Variants in TSPAN9 observed in about 807,000 individuals in gnomAD.
TSPAN9 encodes the protein tetraspanin 9.
A neutral mutation model predicts 31.0 loss-of-function variants in TSPAN9; 16 were observed. That is an observed-to-expected ratio of 0.52 (90% CI 0.35 to 0.78). The LOEUF (loss-of-function observed/expected upper bound fraction) is 0.78. TSPAN9 is among the 30% of genes least tolerant of loss of function. TSPAN9 has a pLI of 0.01. For missense variants in TSPAN9, 272 were observed against 312.5 expected (o/e 0.87, Z 0.98); for synonymous variants, 145 against 121.6 (o/e 1.19, Z -1.27).
intron 2 of TSPAN9, among the ~76,000 whole-genome samples, chr12:3,159,161 G>A (rs1591653292): frequency 6.6e-6 from 1 of 151,388 alleles, no homozygotes; most frequent in East Asian, 1.9e-4. Flanking sequence ...ATTGTCTGTT[G>A]TTTCTGAGCC....
intron 2 of TSPAN9, among the ~76,000 whole-genome samples, chr12:3,106,548 T>G (rs60835496): frequency 0.039 from 5,880 of 152,180 alleles, 397 homozygotes; most frequent in African/African-American, 0.13. Context: ...GACAGAAGGA[T>G]CACTTGAGCC....
intron 3 of TSPAN9, among the ~76,000 whole-genome samples, chr12:3,231,893 T>TG (rs2098390953): frequency 1.3e-5 from 2 of 152,246 alleles, no homozygotes; most frequent in South Asian, 4.1e-4. Context: ...TCCCTGTGCC[T>TG]GGGCCTGGCT....
chr12:3,225,592 C>T (rs1370227645), intron 3 of TSPAN9, among the ~76,000 whole-genome samples: 5 of 152,084 alleles, frequency 3.3e-5, no homozygotes, highest in African/African-American at 4.8e-5. Context: ...GTTGCATCCT[C>T]GTGGGAAGAT....
At chr12:3,242,357 C>A (rs7979731) in intron 3 of TSPAN9, among the ~76,000 whole-genome samples, 1 of 152,198 alleles carries the variant, frequency 6.6e-6, no homozygotes, top group Admixed American at 6.5e-5. Context: ...GCCTTCTGCC[C>A]GATGCCTGGA....
chr12:3,186,494 A>C (rs1372790645), intron 2 of TSPAN9, among the ~76,000 whole-genome samples: 1 of 152,066 alleles, frequency 6.6e-6, no homozygotes, highest in Admixed American at 6.6e-5. Context: ...AATGTAAGAA[A>C]CAGCACAGAG....
rs879519277 is a variant in TSPAN9 at position 3,108,943 on chromosome 12, C to CT, written c.-18+25236dup. Among the ~76,000 whole-genome samples, 316 of 144,128 alleles carry CT rather than the reference C, an allele frequency of 2.2e-3. 2 individuals carry two copies. Among genetic ancestry groups the CT allele is most frequent in the African/African-American group, 5.7e-3 (225 of 39,644 alleles). The allele number at this position is 144,128 out of a possible 152,430, so 94.6% of individuals were successfully genotyped here. On this transcript the variant is annotated intron_variant, in intron 2 of 8. Transcript: ENST00000011898. The stretch of plus-strand genomic sequence containing the variant: ...TAGTTTCATTTTGGGAGGAAGGATT[C>CT]TTTTTTTTTTTTGAGACAGAGTCTC...
intron 3 of TSPAN9, among the ~76,000 whole-genome samples, chr12:3,240,377 C>T (rs1393141947): frequency 1.3e-5 from 2 of 152,156 alleles, no homozygotes; most frequent in Non-Finnish European, 2.9e-5. Context: ...GAGGCGTGCT[C>T]AGCCAAGGGG....
Position 3,278,976 on chromosome 12 carries a change from GC to G in TSPAN9, c.256-13del, listed in dbSNP as rs753149391. 2 of 1,613,792 alleles carry G rather than the reference GC, an allele frequency of 1.2e-6. No individual in the cohort carries two copies. Among genetic ancestry groups the G allele is most frequent in the Middle Eastern group, 1.7e-4 (1 of 6,060 alleles). ...GCCCATTACCACCTACCCATGCCTG[GC>G]CCTTTCCTTTCCAGTTTTTCATCGT... is the stretch of plus-strand genomic sequence containing the variant. On this transcript the variant is annotated splice_polypyrimidine_tract_variant and intron_variant, in intron 4 of 8. Transcript: ENST00000011898.
chr12:3,155,510 G>T (rs73051853), intron 2 of TSPAN9, among the ~76,000 whole-genome samples: 15,440 of 152,024 alleles, frequency 0.1, 1,028 homozygotes, highest in Middle Eastern at 0.17. Context: ...GAGGCGGGAG[G>T]ATCCCTTGAA....
intron 2 of TSPAN9, among the ~76,000 whole-genome samples, chr12:3,162,718 C>T (rs961855822): frequency 6.6e-5 from 10 of 152,190 alleles, no homozygotes; most frequent in Non-Finnish European, 1.5e-4. Context: ...AGCTCTTTCT[C>T]AGCAGAGCTA....
intron 2 of TSPAN9, among the ~76,000 whole-genome samples, chr12:3,118,167 C>G (rs938451897): frequency 2.7e-5 from 4 of 150,824 alleles, no homozygotes; most frequent in Non-Finnish European, 5.9e-5. Flanking sequence ...TAGAACCCCC[C>G]CGGCATGTAG....
intron 3 of TSPAN9, among the ~76,000 whole-genome samples, chr12:3,238,572 G>A (rs1040464734): frequency 6.6e-6 from 1 of 152,210 alleles, no homozygotes; most frequent in Non-Finnish European, 1.5e-5. Flanking sequence ...CATGCCTCAC[G>A]GGAACGGCCC....
chr12:3,121,338 AC>A lies in TSPAN9; in HGVS notation c.-18+37620del, dbSNP rs2098324959. ...TGACATACTGGAGAGATTTTTCAAA[AC>A]AGGGGATGTTGGCTTTTTTTTTTTT... is the stretch of plus-strand genomic sequence containing the variant. On this transcript the variant is annotated intron_variant, in intron 2 of 8. Coordinates refer to ENST00000011898, the MANE Select transcript of TSPAN9 (RefSeq NM_006675.5). 2.7e-5 allele frequency among the ~76,000 whole-genome samples: 2 copies of A among 73,608 alleles called. 1 individual carries two copies. Among genetic ancestry groups the A allele is most frequent in the Admixed American group, 3.8e-4 (2 of 5,232 alleles). The allele number at this position is 73,608 out of a possible 152,430, so 48.3% of individuals were successfully genotyped here. A position where few individuals can be genotyped will look rare whatever the true frequency, so the allele number is the denominator to read the frequency against.
chr12:3,120,095 C>T (rs896198212), intron 2 of TSPAN9, among the ~76,000 whole-genome samples: 6 of 152,172 alleles, frequency 3.9e-5, no homozygotes, highest in Non-Finnish European at 7.3e-5. Context: ...GTTCCCTCTT[C>T]CTTTCCTCTG....
chr12:3,093,688 A>G (rs2098306170), intron 2 of TSPAN9, among the ~76,000 whole-genome samples: 1 of 152,192 alleles, frequency 6.6e-6, no homozygotes. Flanking sequence ...AAGAAACTCA[A>G]CTAGGCCAAT....
At chr12:3,142,159 G>A (rs2098335160) in intron 2 of TSPAN9, among the ~76,000 whole-genome samples, 1 of 152,168 alleles carries the variant, frequency 6.6e-6, no homozygotes, top group Non-Finnish European at 1.5e-5. Context: ...TCACCGCTCT[G>A]CCTGACTGCT....
chr12:3,080,754 A>C (rs2098297454), intron 1 of TSPAN9, among the ~76,000 whole-genome samples: 1 of 152,226 alleles, frequency 6.6e-6, no homozygotes, highest in Non-Finnish European at 1.5e-5. Flanking sequence ...TGAAGCTTTA[A>C]TATTCTTGAA....
intron 2 of TSPAN9, among the ~76,000 whole-genome samples, chr12:3,141,356 A>T (rs1242175687): frequency 6.6e-6 from 1 of 152,094 alleles, no homozygotes; most frequent in Non-Finnish European, 1.5e-5. Flanking sequence ...TGGCTTTTCC[A>T]GCCTGTTCGC....
At chr12:3,271,231 C>T (rs1862672505) in intron 3 of TSPAN9, among the ~76,000 whole-genome samples, 1 of 152,202 alleles carries the variant, frequency 6.6e-6, no homozygotes, top group Non-Finnish European at 1.5e-5. Flanking sequence ...TGGGGTCCAA[C>T]AGTAATGACC....
Sources: gnomAD v4.1 joint callset for allele counts (sites outside exome capture counted in the v4.1 genomes callset) on GRCh38, gnomAD v4.1.1 for gene constraint, MANE v1.5 for transcripts, NCBI Gene and HGNC (gene_info 2026-07-23, HGNC 2026-07-21) for gene names.